The following GRIK2 variants were observed in gnomAD, a reference collection of about 807,000 sequenced individuals.
GRIK2 encodes glutamate receptor ionotropic, kainate 2.
In GRIK2, 32 loss-of-function variants were observed where a neutral mutation model predicts 100.3. The observed-to-expected ratio is 0.32, with a 90% confidence interval of 0.24 to 0.43. GRIK2 has a LOEUF of 0.43. GRIK2 is among the 20% of genes least tolerant of loss of function. GRIK2 has a pLI of 1.00. For synonymous variants in GRIK2, 417 were observed against 389.4 expected (o/e 1.07, Z -0.83); for missense variants, 843 against 1,114.9 (o/e 0.76, Z 3.47).
chr6:101,632,330 G>T (rs1223063746), intron 4 of GRIK2, among the ~76,000 whole-genome samples: 1 of 152,122 alleles, frequency 6.6e-6, no homozygotes, highest in East Asian at 1.9e-4. Flanking sequence ...TCTGAGCAGG[G>T]TGAACCCTAA....
chr6:101,658,472 G>T (rs1769364853), intron 4 of GRIK2, among the ~76,000 whole-genome samples: 1 of 152,148 alleles, frequency 6.6e-6, no homozygotes, highest in South Asian at 2.1e-4. Context: ...ATTTGGGTTG[G>T]TTCCAAGTCT....
At chr6:101,530,984 C>A (rs1344781849) in intron 2 of GRIK2, among the ~76,000 whole-genome samples, 1 of 151,954 alleles carries the variant, frequency 6.6e-6, no homozygotes, top group African/African-American at 2.4e-5. Flanking sequence ...GATAAAGGTT[C>A]AGAGAATCGG....
intron 2 of GRIK2, among the ~76,000 whole-genome samples, chr6:101,538,848 T>C (rs1775849672): frequency 6.6e-6 from 1 of 151,778 alleles, no homozygotes; most frequent in African/African-American, 2.4e-5. Flanking sequence ...GTTGCCTTGA[T>C]GAATGTTTTG....
At chr6:102,016,732 T>G (rs13218403) in intron 14 of GRIK2, among the ~76,000 whole-genome samples, 2 of 151,938 alleles carry the variant, frequency 1.3e-5, no homozygotes, top group Admixed American at 1.3e-4. Flanking sequence ...ACTTCCCTGA[T>G]CTAGCTCAAG....
chr6:102,026,755 C>T (rs1410545341), intron 14 of GRIK2, among the ~76,000 whole-genome samples: 1 of 151,224 alleles, frequency 6.6e-6, no homozygotes, highest in Non-Finnish European at 1.5e-5. Flanking sequence ...ATTGTCCTTC[C>T]CTTCAAATAT....
chr6:102,007,026 C>G (rs1431898348), intron 14 of GRIK2, among the ~76,000 whole-genome samples: 1 of 151,934 alleles, frequency 6.6e-6, no homozygotes, highest in Non-Finnish European at 1.5e-5. Flanking sequence ...TTTTAAGAAC[C>G]TATTATGTAT....
At chr6:101,958,516 T>C (rs568316011) in intron 14 of GRIK2, among the ~76,000 whole-genome samples, 1 of 152,188 alleles carries the variant, frequency 6.6e-6, no homozygotes, top group African/African-American at 2.4e-5. Context: ...ATGCCTTTTA[T>C]TTCTTCCTCT....
chr6:101,595,712 G>GTATATATATATATATA (rs1162539380), intron 2 of GRIK2, among the ~76,000 whole-genome samples: 224 of 131,362 alleles, frequency 1.7e-3, no homozygotes, highest in African/African-American at 5.0e-3. Flanking sequence ...GTGTGTGTGT[G>GTATATATATATATATA]TGTGTGTATA....
At chr6:101,980,563 T>C (rs1203266786) in intron 14 of GRIK2, among the ~76,000 whole-genome samples, 1 of 151,930 alleles carries the variant, frequency 6.6e-6, no homozygotes, top group African/African-American at 2.4e-5. Context: ...AAGTCAGTAG[T>C]ATTTCCTATT....
intron 14 of GRIK2, among the ~76,000 whole-genome samples, chr6:102,010,600 T>C (rs1233465714): frequency 1.3e-5 from 2 of 152,020 alleles, no homozygotes; most frequent in African/African-American, 4.8e-5. Flanking sequence ...TTAGCCAGGA[T>C]GGTCCCGATC....
At chr6:101,463,946 T>C (rs927654547) in intron 2 of GRIK2, among the ~76,000 whole-genome samples, 1 of 152,214 alleles carries the variant, frequency 6.6e-6, no homozygotes, top group African/African-American at 2.4e-5. Context: ...TGGATTATAA[T>C]ATATTATAGA....
intron 2 of GRIK2, among the ~76,000 whole-genome samples, chr6:101,620,921 G>A (rs1780126011): frequency 6.6e-6 from 1 of 152,176 alleles, no homozygotes; most frequent in South Asian, 2.1e-4. Flanking sequence ...TGAGGGAACT[G>A]GAATGAGACA....
intron 9 of GRIK2, among the ~76,000 whole-genome samples, chr6:101,812,293 A>AAC (rs1351979768): frequency 6.6e-6 from 1 of 151,820 alleles, no homozygotes; most frequent in Non-Finnish European, 1.5e-5. Context: ...TAATTCACTC[A>AAC]CTTACTCTAT....
intron 11 of GRIK2, among the ~76,000 whole-genome samples, chr6:101,882,950 T>A (rs73496643): frequency 0.075 from 11,374 of 152,058 alleles, 1,097 homozygotes; most frequent in African/African-American, 0.23. Flanking sequence ...TTTTAGCAGT[T>A]ATTGACTATT....
chr6:101,982,960 G>A (rs1226640178), intron 14 of GRIK2, among the ~76,000 whole-genome samples: 1 of 151,680 alleles, frequency 6.6e-6, no homozygotes, highest in Non-Finnish European at 1.5e-5. Flanking sequence ...GGAGGAACAG[G>A]GAAGTTCCCT....
intron 14 of GRIK2, among the ~76,000 whole-genome samples, chr6:102,018,574 T>C (rs961714806): frequency 6.6e-6 from 1 of 152,108 alleles, no homozygotes; most frequent in African/African-American, 2.4e-5. Context: ...GCTTAGGATT[T>C]TCCACCTCAG....
intron 7 of GRIK2, among the ~76,000 whole-genome samples, chr6:101,760,092 A>T (rs1418263592): frequency 7.1e-6 from 1 of 141,830 alleles, no homozygotes; most frequent in Non-Finnish European, 1.5e-5. Flanking sequence ...GATGGTCTCG[A>T]TCTCCTGACC....
At chr6:101,488,259 C>G (rs1772929459) in intron 2 of GRIK2, among the ~76,000 whole-genome samples, 2 of 146,616 alleles carry the variant, frequency 1.4e-5, no homozygotes, top group African/African-American at 5.2e-5. Context: ...TAAAAGTCCT[C>G]TCTAGTAGTA....
chr6:101,847,323 G>A (rs1783869336), intron 10 of GRIK2, among the ~76,000 whole-genome samples: 1 of 151,748 alleles, frequency 6.6e-6, no homozygotes, highest in South Asian at 2.1e-4. Context: ...TTTCTTGTTT[G>A]TATTTTTCAC....
Sources: allele counts gnomAD v4.1 joint callset (sites outside exome capture counted in the v4.1 genomes callset), GRCh38; gene constraint gnomAD v4.1.1; transcripts MANE v1.5; gene names NCBI Gene and HGNC (gene_info 2026-07-23, HGNC 2026-07-21).